Variants in CLEC16A observed in about 807,000 individuals in gnomAD.
CLEC16A encodes the protein protein CLEC16A.
CLEC16A carries 51 observed loss-of-function variants against 109.5 expected under a neutral mutation model. The ratio of observed to expected loss-of-function variants is 0.47; its 90% CI spans 0.37 to 0.59. The LOEUF (loss-of-function observed/expected upper bound fraction) is 0.59. Among genes scored for constraint, CLEC16A ranks in the 20% least tolerant of loss-of-function variants. The probability of loss-of-function intolerance (pLI) is 0.00; values close to 1 mark genes in which losing one functional copy is unlikely to be tolerated. For synonymous variants in CLEC16A, 673 were observed against 564.2 expected (o/e 1.19, Z -2.73); for missense variants, 1,339 against 1,394.0 (o/e 0.96, Z 0.63).
intron 19 of CLEC16A, among the ~76,000 whole-genome samples, chr16:11,065,701 G>A (rs1452347491): frequency 1.3e-5 from 2 of 152,244 alleles, no homozygotes; most frequent in Non-Finnish European, 2.9e-5. Flanking sequence ...GGGCTGGTTA[G>A]GGAAGGCCTC....
chr16:11,122,717 C>G (rs1164792767), intron 20 of CLEC16A, among the ~76,000 whole-genome samples: 1 of 152,120 alleles, frequency 6.6e-6, no homozygotes, highest in African/African-American at 2.4e-5. Flanking sequence ...TTCATTCCCT[C>G]TCAGGCTTTT....
Position 10,973,079 on chromosome 16 carries a change from G to A in CLEC16A, c.728+18G>A. The A allele has an allele frequency of 1.3e-6, 2 of 1,590,642 alleles. No homozygotes were observed. The highest frequency in any genetic ancestry group is 2.3e-5 in the South Asian group (2 of 87,154). On this transcript the variant is annotated intron_variant, in intron 7 of 23. Transcript: ENST00000409790. ...GATGAGGAGTAAGTGACACCCCCAG[G>A]GCCACTCAGTAGATAGACAGGGTGG...
At chr16:11,161,984 G>T (rs1444133638) in intron 22 of CLEC16A, among the ~76,000 whole-genome samples, 1 of 152,184 alleles carries the variant, frequency 6.6e-6, no homozygotes, top group African/African-American at 2.4e-5. Flanking sequence ...GGAGGAGGGG[G>T]GCATGTCCAA....
At chr16:11,079,223 C>T (rs1255744124) in intron 19 of CLEC16A, among the ~76,000 whole-genome samples, 1 of 152,208 alleles carries the variant, frequency 6.6e-6, no homozygotes, top group African/African-American at 2.4e-5. Context: ...ATCCCTATCT[C>T]TTGTGGTTGT....
At chr16:11,140,745 G>C (rs1169026145) in intron 22 of CLEC16A, among the ~76,000 whole-genome samples, 1 of 152,160 alleles carries the variant, frequency 6.6e-6, no homozygotes, top group Non-Finnish European at 1.5e-5. Flanking sequence ...CCATTGTGTT[G>C]TTTAAACTGT....
intron 1 of CLEC16A, among the ~76,000 whole-genome samples, chr16:10,952,150 C>CA (rs2041766932): frequency 6.6e-6 from 1 of 152,194 alleles, no homozygotes; most frequent in Admixed American, 6.5e-5. Flanking sequence ...TCATTGTTGT[C>CA]AAAGTTTCCT....
chr16:10,962,401 TTC>T (rs955095196), intron 2 of CLEC16A, 52 bp from the exon 3 acceptor site: 3 of 1,605,796 alleles, frequency 1.9e-6, no homozygotes, highest in Non-Finnish European at 1.7e-6. Context: ...AGATAATAAT[TTC>T]TGTTTCCACA....
intron 19 of CLEC16A, among the ~76,000 whole-genome samples, chr16:11,087,822 G>A (rs1019197095): frequency 8.5e-5 from 13 of 152,306 alleles, no homozygotes; most frequent in African/African-American, 2.2e-4. Context: ...TGCCCAGGTC[G>A]CTGGCCAGGT....
chr16:11,041,743 C>A (rs977155896), intron 14 of CLEC16A: 1 of 153,386 alleles, frequency 6.5e-6, no homozygotes, highest in African/African-American at 2.4e-5. Flanking sequence ...TTTCTCTTAA[C>A]CCAGCAGTTC....
chr16:11,082,902 C>T (rs761066693), intron 19 of CLEC16A, among the ~76,000 whole-genome samples: 1 of 152,188 alleles, frequency 6.6e-6, no homozygotes, highest in Non-Finnish European at 1.5e-5. Flanking sequence ...GCTTCTCCAT[C>T]CAGTTAGGGA....
chr16:11,094,774 A>G (rs1269827927), intron 19 of CLEC16A, among the ~76,000 whole-genome samples: 2 of 152,232 alleles, frequency 1.3e-5, no homozygotes, highest in Non-Finnish European at 2.9e-5. Flanking sequence ...TTAGGTTTGC[A>G]TGGTTGCCAT....
chr16:10,949,329 A>C (rs1037034623), intron 1 of CLEC16A, among the ~76,000 whole-genome samples: 2 of 152,158 alleles, frequency 1.3e-5, no homozygotes, highest in African/African-American at 4.8e-5. Flanking sequence ...AAGTTCTTCC[A>C]GGCCTTCCCA....
At chr16:11,117,443 AACAT>A (rs2052080072) in intron 19 of CLEC16A, among the ~76,000 whole-genome samples, 1 of 152,164 alleles carries the variant, frequency 6.6e-6, no homozygotes, top group Non-Finnish European at 1.5e-5. Context: ...TTTTTTTTAA[AACAT>A]ACAAAACTCT....
intron 19 of CLEC16A, among the ~76,000 whole-genome samples, chr16:11,079,757 A>G (rs2049595914): frequency 6.6e-6 from 1 of 152,190 alleles, no homozygotes; most frequent in Non-Finnish European, 1.5e-5. Flanking sequence ...CTGGTTTCTC[A>G]TAAAACTCGA....
chr16:10,989,893 A>C (rs542255400), intron 10 of CLEC16A, among the ~76,000 whole-genome samples: 1 of 152,218 alleles, frequency 6.6e-6, no homozygotes, highest in Admixed American at 6.5e-5. Context: ...TTACAACTCA[A>C]ACTTGTATCC....
intron 17 of CLEC16A, among the ~76,000 whole-genome samples, chr16:11,049,461 G>A (rs989487910): frequency 2.7e-5 from 4 of 149,988 alleles, no homozygotes; most frequent in African/African-American, 7.5e-5. Context: ...TCCCACCATG[G>A]GGAGCTTCCC....
At position 11,039,799 on chromosome 16, in the gene CLEC16A, A is replaced by C; in HGVS notation, c.1583A>C (p.Asn528Thr). The C allele has an allele frequency of 1.9e-6, 3 of 1,609,740 alleles. No individual in the cohort carries two copies. Among genetic ancestry groups the C allele is most frequent in the Non-Finnish European group, 2.5e-6 (3 of 1,178,110 alleles). Residue 528 changes from asparagine to threonine, a missense_variant, in exon 14 of 24, where the codon AAT becomes ACT. Asn to Thr is a moderately conservative substitution (Grantham distance 65). Around this residue, in one of 3 missense-constraint regions of CLEC16A, gnomAD observed 1,061 missense variants for 1,006.8 expected, o/e 1.05. Coordinates refer to ENST00000409790, the MANE Select transcript of CLEC16A (RefSeq NM_015226.3). ...GAGCGAATCCAGCTCCCCGTGCCAA[A>C]TGCGGCCGAGAAGACCACCTACAAC... ...KLERIQLPVPNAAEKTTYNHP... is the reference protein window; with the variant it reads ...KLERIQLPVPTAAEKTTYNHP...
At chr16:11,050,262 G>A (rs770332410) in intron 17 of CLEC16A, among the ~76,000 whole-genome samples, 6 of 152,124 alleles carry the variant, frequency 3.9e-5, no homozygotes, top group Non-Finnish European at 5.9e-5. Context: ...ACCCAATCCC[G>A]TCTTGTTAGG....
intron 11 of CLEC16A, among the ~76,000 whole-genome samples, chr16:11,012,297 C>G (rs910581552): frequency 1.3e-5 from 2 of 152,296 alleles, no homozygotes; most frequent in Admixed American, 6.5e-5. Flanking sequence ...TGTACATACA[C>G]TTAAGAAAGA....
Sources: allele counts gnomAD v4.1 joint callset (sites outside exome capture counted in the v4.1 genomes callset), GRCh38; gene constraint gnomAD v4.1.1; regional missense constraint gnomAD v4.1.1; transcripts MANE v1.5; gene names NCBI Gene and HGNC (gene_info 2026-07-23, HGNC 2026-07-21).